Variants in CNTN5 observed in about 807,000 individuals in gnomAD.
The protein encoded by CNTN5 is contactin-5.
In CNTN5, 77 loss-of-function variants were observed where a neutral mutation model predicts 129.1. That is an observed-to-expected ratio of 0.60 (90% confidence interval 0.50 to 0.72). The LOEUF is 0.72. Among genes scored for constraint, CNTN5 ranks in the 30% least tolerant of loss-of-function variants. The probability of loss-of-function intolerance (pLI) is 0.00; values close to 1 mark genes in which losing one functional copy is unlikely to be tolerated. For synonymous variants in CNTN5, 509 were observed against 465.6 expected, an observed-to-expected ratio of 1.09 and a Z score of -1.20; for missense variants, 1,478 against 1,328.8, an observed-to-expected ratio of 1.11 and a Z score of -1.75.
chr11:100,113,763 A>C (rs1008690808), intron 13 of CNTN5, among the ~76,000 whole-genome samples: 1 of 152,048 alleles, frequency 6.6e-6, no homozygotes, highest in African/African-American at 2.4e-5. Flanking sequence ...TATTATAAAC[A>C]CTTCAAATTA....
intron 2 of CNTN5, among the ~76,000 whole-genome samples, chr11:99,553,527 A>G (rs905353804): frequency 6.6e-6 from 1 of 152,034 alleles, no homozygotes; most frequent in African/African-American, 2.4e-5. Context: ...TATTTCATTT[A>G]CTTTTTATTT....
At chr11:100,285,803 G>A (rs980453099) in intron 18 of CNTN5, among the ~76,000 whole-genome samples, 21 of 152,316 alleles carry the variant, frequency 1.4e-4, no homozygotes, top group East Asian at 7.7e-4. Flanking sequence ...CAGCGTGAGC[G>A]ACGCAGAAGA....
chr11:99,913,502 G>C lies in CNTN5; in HGVS notation c.578-2552G>C, dbSNP rs557479897. On this transcript the variant is annotated intron_variant, in intron 6 of 24. Coordinates refer to ENST00000524871, the MANE Select transcript of CNTN5 (RefSeq NM_014361.4). ...AAAATCTATTTATCTTTGGGCTTCT[G>C]GTGCTAAAGTTCCCAGGAAATAATG... 2.2e-4 allele frequency among the ~76,000 whole-genome samples: 34 copies of C among 152,024 alleles called. 1 individual carries two copies. The South Asian group carries it at 6.8e-3, about 31-fold the overall frequency.
chr11:99,526,567 T>A (rs2135455357), intron 2 of CNTN5, among the ~76,000 whole-genome samples: 1 of 152,340 alleles, frequency 6.6e-6, no homozygotes, highest in African/African-American at 2.4e-5. Context: ...CTTCCTAGGT[T>A]GGAGCTGATC....
At chr11:99,140,912 G>A (rs764488886) in intron 1 of CNTN5, among the ~76,000 whole-genome samples, 12 of 147,438 alleles carry the variant, frequency 8.1e-5, no homozygotes, top group Non-Finnish European at 1.8e-4. Flanking sequence ...TTTTTTTTGA[G>A]GATGTTTGCA....
At chr11:100,153,789 G>A (rs1033269396) in intron 13 of CNTN5, among the ~76,000 whole-genome samples, 6 of 151,854 alleles carry the variant, frequency 4.0e-5, no homozygotes, top group East Asian at 1.9e-4. Context: ...TTTGATGACC[G>A]TATATAAATT....
At chr11:100,135,738 G>A (rs1336384206) in intron 13 of CNTN5, among the ~76,000 whole-genome samples, 1 of 152,074 alleles carries the variant, frequency 6.6e-6, no homozygotes, top group African/African-American at 2.4e-5. Context: ...TTTTAACTGT[G>A]CTGTTTTCTG....
At chr11:99,080,815 G>C (rs1014887645) in intron 1 of CNTN5, among the ~76,000 whole-genome samples, 1 of 152,102 alleles carries the variant, frequency 6.6e-6, no homozygotes, top group Non-Finnish European at 1.5e-5. Flanking sequence ...AGTGTTTTGA[G>C]GACGATTAAA....
At chr11:99,847,296 A>G (rs569028331) in intron 6 of CNTN5, among the ~76,000 whole-genome samples, 7 of 152,360 alleles carry the variant, frequency 4.6e-5, no homozygotes, top group Middle Eastern at 3.4e-3. Context: ...ATAGTTGTCA[A>G]ATACACTCAT....
chr11:100,263,119 A>C (rs1950237337), intron 17 of CNTN5, among the ~76,000 whole-genome samples: 2 of 152,100 alleles, frequency 1.3e-5, no homozygotes, highest in Non-Finnish European at 1.5e-5. Context: ...GTAAAATCAC[A>C]CTTACTGGAT....
chr11:99,914,680 T>G (rs999313120), intron 6 of CNTN5, among the ~76,000 whole-genome samples: 3 of 152,116 alleles, frequency 2.0e-5, no homozygotes, highest in African/African-American at 7.2e-5. Context: ...CTTAACTGTT[T>G]ATAAAGAAAC....
intron 1 of CNTN5, among the ~76,000 whole-genome samples, chr11:99,108,728 T>G (rs1325606470): frequency 2.3e-4 from 35 of 152,118 alleles, no homozygotes; most frequent in Admixed American, 2.3e-3. Context: ...TTTAATTTTT[T>G]AACATTGACA....
At chr11:100,147,111 G>A (rs922394340) in intron 13 of CNTN5, among the ~76,000 whole-genome samples, 7 of 151,994 alleles carry the variant, frequency 4.6e-5, no homozygotes, top group African/African-American at 1.7e-4. Context: ...GGCAAACAAG[G>A]TCTCTGCAAC....
chr11:99,632,473 C>T (rs1488530075), intron 3 of CNTN5, among the ~76,000 whole-genome samples: 1 of 152,078 alleles, frequency 6.6e-6, no homozygotes, highest in East Asian at 1.9e-4. Flanking sequence ...CCCAGGATTA[C>T]ACAGACAGAA....
chr11:100,150,991 A>C (rs910362872), intron 13 of CNTN5, among the ~76,000 whole-genome samples: 9 of 152,064 alleles, frequency 5.9e-5, no homozygotes, highest in East Asian at 1.9e-4. Flanking sequence ...ACGGTAAAAA[A>C]GTAACCATCT....
chr11:100,022,922 G>T (rs183721304), intron 9 of CNTN5, among the ~76,000 whole-genome samples: 15 of 151,750 alleles, frequency 9.9e-5, no homozygotes, highest in South Asian at 4.2e-4. Flanking sequence ...ATATAATGTG[G>T]TTTTTTTTCT....
At chr11:99,082,188 CTTT>C (rs747509458) in intron 1 of CNTN5, among the ~76,000 whole-genome samples, 2 of 132,792 alleles carry the variant, frequency 1.5e-5, no homozygotes, top group Non-Finnish European at 3.2e-5. Flanking sequence ...TCTCCAAAAG[CTTT>C]TTTTTTTTTT....
intron 3 of CNTN5, among the ~76,000 whole-genome samples, chr11:99,658,519 C>A (rs1334230940): frequency 6.6e-6 from 1 of 151,888 alleles, no homozygotes; most frequent in Admixed American, 6.6e-5. Flanking sequence ...TTTACTCTTG[C>A]ATCACATTTA....
At chr11:99,689,443 C>T (rs550777664) in intron 3 of CNTN5, among the ~76,000 whole-genome samples, 4 of 140,028 alleles carry the variant, frequency 2.9e-5, no homozygotes, top group African/African-American at 1.0e-4. Flanking sequence ...AGGAGAATAG[C>T]GTGAACCCGG....
Sources: gnomAD v4.1 joint callset for allele counts (sites outside exome capture counted in the v4.1 genomes callset) on GRCh38, gnomAD v4.1.1 for gene constraint, MANE v1.5 for transcripts, NCBI Gene and HGNC (gene_info 2026-07-23, HGNC 2026-07-21) for gene names.